The following DIP2C variants were observed in gnomAD, a reference collection of about 807,000 sequenced individuals.
DIP2C encodes disco-interacting protein 2 homolog C.
In DIP2C, 33 loss-of-function variants were observed where a neutral mutation model predicts 192.4. That is an observed-to-expected ratio of 0.17 (90% CI 0.13 to 0.23). The LOEUF (loss-of-function observed/expected upper bound fraction) is 0.23, where lower values mean the gene tolerates loss of function less well. Among genes scored for constraint, DIP2C ranks in the 10% least tolerant of loss-of-function variants. DIP2C has a pLI of 1.00. For synonymous variants in DIP2C, 979 were observed against 864.1 expected, an observed-to-expected ratio of 1.13 and a Z score of -2.33; for missense variants, 1,537 against 2,110.1, an observed-to-expected ratio of 0.73 and a Z score of 5.32.
chr10:606,665 G>A (rs1852509186), intron 1 of DIP2C, among the ~76,000 whole-genome samples: 3 of 152,246 alleles, frequency 2.0e-5, no homozygotes, highest in South Asian at 2.1e-4. Context: ...TACGTGCTGT[G>A]ATCTGAATTC....
rs114987790 is a variant in DIP2C at position 588,741 on chromosome 10, C to G, written c.85+100753G>C. The stretch of plus-strand genomic sequence containing the variant: ...GCAGGCGGGGAGGGTGGTGCCTGAA[C>G]TGCCCCACAGGCTACCCCAGCCTGC... On this transcript the variant is annotated intron_variant, in intron 1 of 36. Transcript: ENST00000280886. Among the ~76,000 whole-genome samples the G allele has an allele frequency of 4.8e-3, 724 of 152,326 alleles. 6 individuals are homozygous for G. Among genetic ancestry groups the G allele is most frequent in the African/African-American group, 0.016 (669 of 41,574 alleles).
At chr10:597,003 T>G (rs11253272) in intron 1 of DIP2C, among the ~76,000 whole-genome samples, 10,852 of 152,314 alleles carry the variant, frequency 0.071, 947 homozygotes, top group African/African-American at 0.21. Context: ...TGGTTCTGCA[T>G]TATTTCTGTG....
chr10:545,325 C>T (rs756663014), intron 1 of DIP2C, among the ~76,000 whole-genome samples: 1 of 152,012 alleles, frequency 6.6e-6, no homozygotes, highest in Non-Finnish European at 1.5e-5. Flanking sequence ...TGCCACAACG[C>T]CCAGGTAATT....
At chr10:378,686 CATGCATACACACATGAACAGAT>C (rs1282317341) in intron 17 of DIP2C, among the ~76,000 whole-genome samples, 5 of 151,826 alleles carry the variant, frequency 3.3e-5, no homozygotes, top group African/African-American at 1.2e-4. Flanking sequence ...CATGAACAGA[CATGCATACACACATGAACAGAT>C]ATGCACAGAC....
At chr10:621,327 G>A (rs1189142689) in intron 1 of DIP2C, among the ~76,000 whole-genome samples, 2 of 149,914 alleles carry the variant, frequency 1.3e-5, no homozygotes, top group Non-Finnish European at 3.0e-5. Context: ...ACACCCCCAA[G>A]GTGTGCACAC....
At chr10:324,672 T>A in intron 31 of DIP2C, 1 of 214,624 alleles carries the variant, frequency 4.7e-6, no homozygotes, top group Non-Finnish European at 9.7e-6. Flanking sequence ...GCGGTCATAT[T>A]GACAGAATTG....
chr10:438,868 C>G (rs1967488419), intron 4 of DIP2C, among the ~76,000 whole-genome samples: 1 of 152,052 alleles, frequency 6.6e-6, no homozygotes, highest in Admixed American at 6.6e-5. Context: ...GTTTCCCAGG[C>G]TGGAGTGCAG....
rs562784078 is a variant in DIP2C at position 656,746 on chromosome 10, A to AAGAC, written c.85+32744_85+32747dup. 3.0e-3 allele frequency among the ~76,000 whole-genome samples: 454 copies of AAGAC among 152,270 alleles called. 1 individual carries two copies. The highest frequency in any genetic ancestry group is 0.01 in the African/African-American group (427 of 41,534). The stretch of plus-strand genomic sequence containing the variant: ...GACTCCGTGTTGAAGGAGTGACAGG[A>AAGAC]AGACAGACGGCTGTCGGTGAATGGA... On this transcript the variant is annotated intron_variant, in intron 1 of 36. Transcript: ENST00000280886.
intron 9 of DIP2C, among the ~76,000 whole-genome samples, chr10:400,112 A>G (rs1045638780): frequency 2.0e-5 from 3 of 151,784 alleles, no homozygotes; most frequent in Admixed American, 1.3e-4. Flanking sequence ...TGGCACAATC[A>G]TAGCTCACTG....
chr10:325,401 A>AG (rs1240155180), intron 31 of DIP2C, among the ~76,000 whole-genome samples: 1 of 152,224 alleles, frequency 6.6e-6, no homozygotes, highest in Non-Finnish European at 1.5e-5. Flanking sequence ...CACCTGCTGG[A>AG]GGGCACGATG....
At chr10:539,802 TA>T (rs1322276570) in intron 1 of DIP2C, among the ~76,000 whole-genome samples, 1 of 152,208 alleles carries the variant, frequency 6.6e-6, no homozygotes, top group East Asian at 1.9e-4. Flanking sequence ...CTTTGGTTTT[TA>T]AAGTGAAATA....
intron 32 of DIP2C, among the ~76,000 whole-genome samples, chr10:297,848 A>G (rs968002652): frequency 6.6e-6 from 1 of 152,208 alleles, no homozygotes; most frequent in African/African-American, 2.4e-5. Flanking sequence ...TCCCGATCTA[A>G]TATCCCGATC....
chr10:281,178 A>T, intron 36 of DIP2C, 22 bp downstream of exon 36: 1 of 1,611,958 alleles, frequency 6.2e-7, no homozygotes, highest in Non-Finnish European at 8.5e-7. Flanking sequence ...ATTTGGGTAC[A>T]AGCTGCAAGC....
intron 1 of DIP2C, among the ~76,000 whole-genome samples, chr10:586,519 G>A (rs1330697450): frequency 6.6e-6 from 1 of 152,078 alleles, no homozygotes; most frequent in African/African-American, 2.4e-5. Context: ...AACCCTCCAG[G>A]CAAACTTTCT....
intron 22 of DIP2C, among the ~76,000 whole-genome samples, chr10:362,067 A>G (rs1340894711): frequency 1.2e-4 from 18 of 149,426 alleles, no homozygotes; most frequent in South Asian, 2.1e-4. Flanking sequence ...GGTGTGGGGG[A>G]AAAAAAAAAG....
chr10:331,912 A>AT (rs2132474090), intron 29 of DIP2C, among the ~76,000 whole-genome samples: 1 of 151,316 alleles, frequency 6.6e-6, no homozygotes, highest in Admixed American at 6.6e-5. Flanking sequence ...AACATTTACC[A>AT]TATTAACCAC....
Position 597,193 on chromosome 10 carries a change from C to T in DIP2C, c.85+92301G>A, listed in dbSNP as rs905798191. On this transcript the variant is annotated intron_variant, in intron 1 of 36. Coordinates refer to ENST00000280886, the MANE Select transcript of DIP2C (RefSeq NM_014974.3). ...GCCAGTGGCATCCGTCTTCTGCCCC[C>T]GGTGCTCCTGGGTCTCAGCTCCTCA... Among the ~76,000 whole-genome samples the T allele has an allele frequency of 4.6e-4, 70 of 152,336 alleles. 1 individual carries two copies. The highest frequency in any genetic ancestry group is 6.8e-3 in the Middle Eastern group (2 of 294).
At chr10:525,829 G>C (rs1044836692) in intron 1 of DIP2C, among the ~76,000 whole-genome samples, 2 of 152,192 alleles carry the variant, frequency 1.3e-5, no homozygotes, top group African/African-American at 2.4e-5. Flanking sequence ...CAAGAGACAT[G>C]ATGGCCAAGC....
At chr10:417,675 G>A (rs72772878) in intron 6 of DIP2C, among the ~76,000 whole-genome samples, 108,387 of 119,512 alleles carry the variant, frequency 0.91, 49,109 homozygotes, top group South Asian at 0.96. Flanking sequence ...TCAGGGCTCG[G>A]ATAGGCCTCC....
Sources: gnomAD v4.1 joint callset for allele counts (sites outside exome capture counted in the v4.1 genomes callset) on GRCh38, gnomAD v4.1.1 for gene constraint, MANE v1.5 for transcripts, NCBI Gene and HGNC (gene_info 2026-07-23, HGNC 2026-07-21) for gene names.